GON4L: variants seen among roughly 807,000 people sequenced by gnomAD.
GON4L encodes gon-4 like.
Under a neutral mutation model 211.8 loss-of-function variants are expected in GON4L, and 87 were observed. That is an observed-to-expected ratio of 0.41 (90% CI 0.35 to 0.49). The LOEUF is 0.49. Ranked by LOEUF, GON4L falls within the 20% of genes least tolerant of loss-of-function variation. The pLI, the probability that GON4L is intolerant of heterozygous loss-of-function variation, is 0.15. For synonymous variants in GON4L, 875 were observed against 962.6 expected (o/e 0.91, Z 1.68); for missense variants, 2,155 against 2,659.5 (o/e 0.81, Z 4.17).
downstream of GON4L, among the ~76,000 whole-genome samples, chr1:155,745,625 C>T (rs1269727490): frequency 6.6e-6 from 1 of 152,038 alleles, no homozygotes; most frequent in East Asian, 1.9e-4. Context: ...CCCCGCCTCT[C>T]GCGGCAACCA....
chr1:155,848,757 AG>A (rs1174146350), intron 2 of GON4L, among the ~76,000 whole-genome samples: 18 of 152,194 alleles, frequency 1.2e-4, no homozygotes, highest in African/African-American at 4.3e-4. Context: ...CTCAGAACAA[AG>A]GATTTCTTTG....
In GON4L at chr1:155,827,002, C is replaced by A; in HGVS notation, c.532G>T (p.Glu178Ter). 6.2e-7 allele frequency: 1 copy of A among 1,613,598 alleles called. No homozygotes were observed. Among genetic ancestry groups the A allele is most frequent in the Non-Finnish European group, 8.5e-7 (1 of 1,179,500 alleles). The stretch of plus-strand genomic sequence containing the variant: ...CTGCCTGATGGCAGGGAAGGTATCT[C>A]CCCTTCAGAATTCATTTGAGGTTTC... Reference protein sequence around the residue: ...GGKPQMNSEGEIPSLPSGSQS... With the variant: ...GGKPQMNSEG Residue 178 changes from glutamate to a stop codon, truncating the protein, a stop_gained, in exon 3 of 32, where the codon GAG (glutamate) becomes TAG (stop). Transcript: ENST00000368331. LOFTEE classifies it high-confidence loss of function.
intron 8 of GON4L, among the ~76,000 whole-genome samples, chr1:155,815,147 C>T (rs1479891658): frequency 6.6e-6 from 1 of 152,088 alleles, no homozygotes; most frequent in Non-Finnish European, 1.5e-5. Context: ...GATCACTATC[C>T]TAATCTGCAT....
intron 2 of GON4L, among the ~76,000 whole-genome samples, chr1:155,839,599 C>G (rs1670601789): frequency 6.8e-6 from 1 of 146,460 alleles, no homozygotes; most frequent in Admixed American, 7.0e-5. Flanking sequence ...TGCAGTGAGC[C>G]AAGATTACAC....
intron 10 of GON4L, among the ~76,000 whole-genome samples, chr1:155,811,249 C>T (rs376375649): frequency 5.3e-5 from 8 of 150,344 alleles, no homozygotes; most frequent in East Asian, 4.0e-4. Flanking sequence ...AAAAATTAGC[C>T]GCGCATGGTG....
chr1:155,837,801 C>T (rs1345729005), intron 2 of GON4L, among the ~76,000 whole-genome samples: 1 of 151,788 alleles, frequency 6.6e-6, no homozygotes, highest in South Asian at 2.1e-4. Context: ...AACTACCTTA[C>T]CCAAATTCTA....
At chr1:155,760,398 C>T (rs1247917944) in intron 24 of GON4L, 46 bp downstream of exon 24, 1 of 1,237,986 alleles carries the variant, frequency 8.1e-7, no homozygotes, top group Non-Finnish European at 1.2e-6. Context: ...CCCAGTCTCA[C>T]TCTGACCCAG....
At chr1:155,767,186 C>T (rs1267441417) in intron 20 of GON4L, 1 of 992,176 alleles carries the variant, frequency 1.0e-6, no homozygotes, top group East Asian at 2.6e-5. Flanking sequence ...TCTAATTATA[C>T]ACTTTAGAAA....
intron 12 of GON4L, among the ~76,000 whole-genome samples, chr1:155,786,052 C>A (rs530614882): frequency 6.6e-6 from 1 of 151,866 alleles, no homozygotes; most frequent in Admixed American, 6.6e-5. Context: ...GCCAAGACTG[C>A]GCCACTGCAC....
chr1:155,836,839 A>G (rs1212547918), intron 2 of GON4L, among the ~76,000 whole-genome samples: 1 of 152,202 alleles, frequency 6.6e-6, no homozygotes, highest in African/African-American at 2.4e-5. Context: ...TCATGTTTGT[A>G]GTCCCTGTTT....
intron 11 of GON4L, among the ~76,000 whole-genome samples, chr1:155,803,569 T>C (rs950668779): frequency 6.6e-6 from 1 of 152,184 alleles, no homozygotes; most frequent in Admixed American, 6.5e-5. Flanking sequence ...ATCCAAACTT[T>C]TATCTGATCA....
intron 28 of GON4L, 62 bp from the exon 29 acceptor site, chr1:155,753,476 A>G (rs1660831086): frequency 2.4e-6 from 3 of 1,272,442 alleles, no homozygotes; most frequent in South Asian, 1.3e-5. Flanking sequence ...GTTGGGGCCC[A>G]CCAAAGGAAG....
At position 155,791,574 on chromosome 1, in the gene GON4L, A is replaced by C. The variant is rs566842739; in HGVS notation, c.1747+3476T>G. On this transcript the variant is annotated intron_variant, in intron 12 of 31. Transcript: ENST00000368331. ...CTTTTTTTTTTCTTAACAACAAAAG[A>C]CAAATAGGAGGCCGGGCACAGTGCG... Among the ~76,000 whole-genome samples the C allele has an allele frequency of 1.3e-3, 192 of 151,750 alleles. 1 individual carries two copies. Among genetic ancestry groups the C allele is most frequent in the African/African-American group, 4.5e-3 (185 of 41,416 alleles).
At chr1:155,804,354 C>T (rs1055950003) in intron 11 of GON4L, among the ~76,000 whole-genome samples, 1 of 151,954 alleles carries the variant, frequency 6.6e-6, no homozygotes, top group African/African-American at 2.4e-5. Context: ...CCACCCTGGG[C>T]AACACCCTGT....
intron 7 of GON4L, 77 bp downstream of exon 7, chr1:155,816,135 T>A: frequency 3.9e-6 from 3 of 764,504 alleles, no homozygotes; most frequent in Non-Finnish European, 4.6e-6. Flanking sequence ...CAAGAAAAGT[T>A]AAAGAGGAAG....
At position 155,805,197 on chromosome 1, in the gene GON4L, T is replaced by C. The variant is rs893016910; in HGVS notation, c.1453-56A>G. On this transcript the variant is annotated intron_variant, in intron 10 of 31. Transcript: ENST00000368331. Reference sequence around the variant, plus strand: ...TGAGTGATGTTTCCAAACCTCATCATCACTCCTTTTCTTCTCATCTTAGCT... The same window carrying C: ...TGAGTGATGTTTCCAAACCTCATCACCACTCCTTTTCTTCTCATCTTAGCT... 5.8e-5 allele frequency: 64 copies of C among 1,110,518 alleles called. 3 individuals are homozygous for C. Among genetic ancestry groups the C allele is most frequent in the Middle Eastern group, 4.3e-4 (2 of 4,660 alleles). 68.8% of individuals were successfully genotyped at this position (1,110,518 alleles called of 1,614,324 possible). A position where few individuals can be genotyped will look rare whatever the true frequency, so the allele number is the denominator to read the frequency against.
intron 14 of GON4L, among the ~76,000 whole-genome samples, chr1:155,782,191 A>G (rs1023960249): frequency 6.6e-6 from 1 of 152,078 alleles, no homozygotes; most frequent in Non-Finnish European, 1.5e-5. Context: ...TTTACTATCT[A>G]TGGACTTACA....
At chr1:155,852,236 G>T (rs984902298) in intron 2 of GON4L, among the ~76,000 whole-genome samples, 1 of 150,102 alleles carries the variant, frequency 6.7e-6, no homozygotes, top group African/African-American at 2.5e-5. Flanking sequence ...ATCCTTTTCT[G>T]CCAGTCTATC....
At chr1:155,834,348 TTATC>T (rs1670098064) in intron 2 of GON4L, among the ~76,000 whole-genome samples, 1 of 152,190 alleles carries the variant, frequency 6.6e-6, no homozygotes, top group Non-Finnish European at 1.5e-5. Flanking sequence ...TCCTTCTCTG[TTATC>T]TTCTTCCTCA....
Sources: gnomAD v4.1 joint callset for allele counts (sites outside exome capture counted in the v4.1 genomes callset) on GRCh38, gnomAD v4.1.1 for gene constraint, MANE v1.5 for transcripts, NCBI Gene and HGNC (gene_info 2026-07-23, HGNC 2026-07-21) for gene names.